The following IMPG1 variants were observed in gnomAD, a reference collection of about 807,000 sequenced individuals.
The protein encoded by IMPG1 is interphotoreceptor matrix proteoglycan 1.
A neutral mutation model predicts 92.0 loss-of-function variants in IMPG1; 85 were observed. That is an observed-to-expected ratio of 0.92 (90% confidence interval 0.78 to 1.11). The LOEUF is 1.11. IMPG1 is among the 50% of genes least tolerant of loss of function. The probability of loss-of-function intolerance (pLI) is 0.00; values close to 1 mark genes in which losing one functional copy is unlikely to be tolerated. For missense variants in IMPG1, 1,022 were observed against 956.0 expected (o/e 1.07, Z -0.91); for synonymous variants, 367 against 334.1 (o/e 1.10, Z -1.08).
intron 11 of IMPG1, among the ~76,000 whole-genome samples, chr6:76,003,499 A>G (rs1385858776): frequency 6.6e-6 from 1 of 152,234 alleles, no homozygotes; most frequent in East Asian, 1.9e-4. Context: ...AAACAAATTT[A>G]TAAAGTATGA....
At chr6:76,012,063 A>G (rs1012204364) in intron 7 of IMPG1, among the ~76,000 whole-genome samples, 8 of 152,164 alleles carry the variant, frequency 5.3e-5, no homozygotes, top group African/African-American at 1.9e-4. Context: ...GAAAGGGATG[A>G]TTACATTCAA....
intron 4 of IMPG1, among the ~76,000 whole-genome samples, chr6:76,026,983 G>A (rs773782755): frequency 6.6e-6 from 1 of 152,112 alleles, no homozygotes; most frequent in Non-Finnish European, 1.5e-5. Flanking sequence ...CAGTGACTAG[G>A]TTTTCTTCTG....
At chr6:75,986,135 G>A (rs534204162) in intron 12 of IMPG1, among the ~76,000 whole-genome samples, 2 of 151,984 alleles carry the variant, frequency 1.3e-5, no homozygotes, top group African/African-American at 4.8e-5. Context: ...TTGGTACTTT[G>A]GTACTTTAAT....
chr6:75,967,652 T>C (rs529389848), intron 12 of IMPG1, among the ~76,000 whole-genome samples: 2 of 152,016 alleles, frequency 1.3e-5, no homozygotes, highest in South Asian at 4.2e-4. Flanking sequence ...ATCTCAAGGA[T>C]TAAAACAAAG....
intron 14 of IMPG1, among the ~76,000 whole-genome samples, chr6:75,941,632 C>T (rs1038352916): frequency 3.0e-4 from 46 of 152,336 alleles, no homozygotes; most frequent in African/African-American, 1.1e-3. Flanking sequence ...TCACTATTTA[C>T]TATGGATTAT....
intron 6 of IMPG1, among the ~76,000 whole-genome samples, chr6:76,021,800 T>TATATATATATATATATATAA (rs1783430506): frequency 7.1e-6 from 1 of 140,420 alleles, no homozygotes; most frequent in African/African-American, 2.6e-5. Flanking sequence ...TATATATATA[T>TATATATATATATATATATAA]ATGGTTTTGT....
chr6:76,040,220 G>A (rs1783811648), intron 2 of IMPG1, among the ~76,000 whole-genome samples: 2 of 152,112 alleles, frequency 1.3e-5, no homozygotes, highest in African/African-American at 4.8e-5. Context: ...GAATGAAAGA[G>A]GCAACCTAAT....
chr6:75,923,832 G>T, intron 15 of IMPG1, 126 bp from the exon 16 acceptor site: 1 of 582,684 alleles, frequency 1.7e-6, no homozygotes, highest in South Asian at 2.3e-5. Flanking sequence ...TATTTTTGCA[G>T]GTGTCTTCCG....
At chr6:76,043,935 C>T (rs1338070540) in intron 1 of IMPG1, among the ~76,000 whole-genome samples, 1 of 152,214 alleles carries the variant, frequency 6.6e-6, no homozygotes, top group Non-Finnish European at 1.5e-5. Context: ...TGAAAAATAG[C>T]CTTTCCCTTA....
chr6:75,971,990 C>T (rs1036616099), intron 12 of IMPG1, among the ~76,000 whole-genome samples: 1 of 152,114 alleles, frequency 6.6e-6, no homozygotes, highest in Non-Finnish European at 1.5e-5. Context: ...TTAAACATGA[C>T]CTTTGGCACG....
rs948462298 is a variant in IMPG1, at chr6:76,005,286, C to G, written c.1135+1G>C. On this transcript the variant is annotated splice_donor_variant, in intron 10 of 16. Coordinates refer to ENST00000369950, the MANE Select transcript of IMPG1 (RefSeq NM_001563.4). LOFTEE classifies it high-confidence loss of function. ...TCAGAACTAAGCAATCATTAACTGA[C>G]CATCAGTGAACTGAATTGTCCCCAC... 4.3e-6 allele frequency: 7 copies of G among 1,613,632 alleles called. No homozygotes were observed.
intron 14 of IMPG1, among the ~76,000 whole-genome samples, chr6:75,944,033 G>A (rs962119618): frequency 3.9e-5 from 6 of 152,222 alleles, no homozygotes; most frequent in African/African-American, 1.2e-4. Flanking sequence ...ATGTTATATG[G>A]TGGTGGATGA....
intron 12 of IMPG1, among the ~76,000 whole-genome samples, chr6:75,964,541 G>A (rs957076088): frequency 2.6e-5 from 4 of 151,870 alleles, no homozygotes; most frequent in African/African-American, 9.7e-5. Flanking sequence ...GCCAGGTGTG[G>A]TGGCGGGCGC....
intron 6 of IMPG1, 119 bp from the exon 7 acceptor site, chr6:76,018,977 G>C: frequency 1.1e-6 from 1 of 925,792 alleles, no homozygotes. Context: ...TAAGTGTTTT[G>C]CAATCAAAAT....
At chr6:75,972,882 G>A (rs960196338) in intron 12 of IMPG1, among the ~76,000 whole-genome samples, 2 of 152,202 alleles carry the variant, frequency 1.3e-5, no homozygotes, top group Non-Finnish European at 2.9e-5. Context: ...GACTGGAACA[G>A]TAAACCTGGA....
intron 14 of IMPG1, among the ~76,000 whole-genome samples, chr6:75,937,843 T>C (rs1781773078): frequency 6.6e-6 from 1 of 152,220 alleles, no homozygotes; most frequent in Non-Finnish European, 1.5e-5. Flanking sequence ...TTGAGGGCTG[T>C]CCATTTTTGA....
At chr6:76,044,847 T>C (rs1411776994) in intron 1 of IMPG1, among the ~76,000 whole-genome samples, 1 of 152,154 alleles carries the variant, frequency 6.6e-6, no homozygotes, top group Non-Finnish European at 1.5e-5. Context: ...CCTAACAGTT[T>C]GTTAATATCC....
At chr6:75,922,218 C>A in intron 16 of IMPG1, 52 bp from the exon 17 acceptor site, 2 of 761,348 alleles carry the variant, frequency 2.6e-6, no homozygotes, top group South Asian at 3.0e-5. Flanking sequence ...AAGGTCAAAC[C>A]AATGGTTCAT....
At chr6:76,070,343 G>A (rs1175564061) in intron 1 of IMPG1, among the ~76,000 whole-genome samples, 1 of 152,122 alleles carries the variant, frequency 6.6e-6, no homozygotes, top group African/African-American at 2.4e-5. Context: ...GTGGAGAACA[G>A]TAAATGCTTA....
Sources: allele counts gnomAD v4.1 joint callset (sites outside exome capture counted in the v4.1 genomes callset), GRCh38; gene constraint gnomAD v4.1.1; transcripts MANE v1.5; gene names NCBI Gene and HGNC (gene_info 2026-07-23, HGNC 2026-07-21).